CALD1: variants seen among roughly 807,000 people sequenced by gnomAD.
The protein encoded by CALD1 is caldesmon 1.
In CALD1, 33 loss-of-function variants were observed where a neutral mutation model predicts 99.9. The observed-to-expected ratio is 0.33, with a 90% confidence interval of 0.25 to 0.44. CALD1 has a LOEUF of 0.44. Ranked by LOEUF, CALD1 falls within the 20% of genes least tolerant of loss-of-function variation. The pLI is 1.00. For missense variants in CALD1, 861 were observed against 962.1 expected, an observed-to-expected ratio of 0.89 and a Z score of 1.39; for synonymous variants, 310 against 325.0, an observed-to-expected ratio of 0.95 and a Z score of 0.50.
At position 134,783,333 on chromosome 7, in the gene CALD1, T is replaced by C. The variant is rs1418882979; in HGVS notation, c.-130+3584T>C. ...CTCTTCCCCAGCTCCCCCATCCCTG[T>C]ACCGGATAGGGAGCTTTCTTGATCC... On this transcript the variant is annotated intron_variant, in intron 1 of 14. Coordinates refer to ENST00000361675, the MANE Select transcript of CALD1 (RefSeq NM_033138.4). This position sits in a 1 kb window ranked among gnomAD's most constrained non-coding sequence, Gnocchi z 4.3. Among the ~76,000 whole-genome samples the C allele has an allele frequency of 6.6e-6, 1 of 152,186 alleles. No individual in the cohort carries two copies. Among genetic ancestry groups the C allele is most frequent in the Non-Finnish European group, 1.5e-5 (1 of 68,032 alleles).
chr7:134,869,918 G>A (rs182976932), intron 3 of CALD1, among the ~76,000 whole-genome samples: 126 of 152,290 alleles, frequency 8.3e-4, no homozygotes, highest in African/African-American at 2.8e-3. Flanking sequence ...GGGAGAACCA[G>A]GGAGAGTATG....
intron 14 of CALD1, 130 bp downstream of exon 14, chr7:134,965,516 A>C (rs1808608265): frequency 1.5e-6 from 1 of 657,204 alleles, no homozygotes; most frequent in African/African-American, 1.8e-5. Flanking sequence ...TCAGTGTCTA[A>C]AAGACCAGTA....
the CALD1 span, among the ~76,000 whole-genome samples, chr7:134,715,396 A>C: frequency 6.6e-6 from 1 of 152,190 alleles, no homozygotes; most frequent in Non-Finnish European, 1.5e-5. Context: ...GGGCCTGTGC[A>C]TGTACCCAAA....
At chr7:134,954,033 G>A (rs1247096366) in intron 9 of CALD1, among the ~76,000 whole-genome samples, 1 of 152,144 alleles carries the variant, frequency 6.6e-6, no homozygotes, top group Admixed American at 6.5e-5. Context: ...GATAGCTATT[G>A]ATACCCTTGG....
At chr7:134,778,203 T>C (rs1796960423), upstream of CALD1, among the ~76,000 whole-genome samples, 1 of 151,632 alleles carries the variant, frequency 6.6e-6, no homozygotes. Flanking sequence ...GTGTAGAGAG[T>C]TGATATGGAT....
At chr7:134,839,570 T>C (rs769715940) in intron 1 of CALD1, among the ~76,000 whole-genome samples, 3 of 152,240 alleles carry the variant, frequency 2.0e-5, no homozygotes, top group Non-Finnish European at 4.4e-5. Flanking sequence ...TTTTGATTTA[T>C]GTCTTTTAAA....
At chr7:134,771,738 C>G (rs1796879791) in intron 1 of CALD1, among the ~76,000 whole-genome samples, 1 of 152,178 alleles carries the variant, frequency 6.6e-6, no homozygotes, top group East Asian at 1.9e-4. Context: ...GGCTCTCACT[C>G]CTCCCCAAGT....
At chr7:134,748,396 A>C (rs1261545193) in intron 1 of CALD1, among the ~76,000 whole-genome samples, 1 of 152,202 alleles carries the variant, frequency 6.6e-6, no homozygotes, top group Non-Finnish European at 1.5e-5. Context: ...ATGGGATGAA[A>C]TGAATATATT....
chr7:134,965,527 C>A, intron 14 of CALD1, 141 bp downstream of exon 14: 1 of 595,446 alleles, frequency 1.7e-6, no homozygotes, highest in East Asian at 2.8e-5. Flanking sequence ...AAGACCAGTA[C>A]ATAACACAGT....
At chr7:134,878,463 A>G (rs997952455) in intron 3 of CALD1, among the ~76,000 whole-genome samples, 19 of 152,162 alleles carry the variant, frequency 1.2e-4, no homozygotes, top group African/African-American at 4.6e-4. Flanking sequence ...CAGCTACTGG[A>G]GAGGCTGAGG....
intron 2 of CALD1, among the ~76,000 whole-genome samples, chr7:134,858,066 A>T (rs1800394054): frequency 8.0e-6 from 1 of 125,378 alleles, no homozygotes; most frequent in Admixed American, 8.4e-5. Flanking sequence ...CAGGCACATG[A>T]GTTGCTGACT....
chr7:134,836,390 C>A (rs1379781104), intron 1 of CALD1, among the ~76,000 whole-genome samples: 2 of 152,226 alleles, frequency 1.3e-5, no homozygotes, highest in Admixed American at 6.5e-5. Flanking sequence ...TTATCACTTG[C>A]TGAAACTTAG....
At chr7:134,775,263 G>A (rs1796908271), upstream of CALD1, among the ~76,000 whole-genome samples, 1 of 151,834 alleles carries the variant, frequency 6.6e-6, no homozygotes, top group Non-Finnish European at 1.5e-5. Flanking sequence ...TTATTCTATT[G>A]ATCTATTTGT....
At chr7:134,855,813 G>A (rs1198361746) in intron 2 of CALD1, among the ~76,000 whole-genome samples, 1 of 152,134 alleles carries the variant, frequency 6.6e-6, no homozygotes, top group African/African-American at 2.4e-5. Context: ...GAGATTTTAG[G>A]TCAGGGAGAA....
chr7:134,868,050 T>C (rs1253108127), intron 3 of CALD1: 1 of 287,788 alleles, frequency 3.5e-6, no homozygotes, highest in Non-Finnish European at 6.6e-6. Context: ...GATAATTGCA[T>C]TTAATCAATA....
At chr7:134,952,430 A>G (rs1210273740) in intron 9 of CALD1, among the ~76,000 whole-genome samples, 2 of 152,168 alleles carry the variant, frequency 1.3e-5, no homozygotes, top group African/African-American at 4.8e-5. Context: ...CTTGTTCCAC[A>G]TGAAAATCAG....
At chr7:134,728,175 C>CT in the CALD1 span, among the ~76,000 whole-genome samples, 152,278 of 152,280 alleles carry the variant, frequency 1, 76,138 homozygotes, top group Non-Finnish European at 1. Context: ...CCTATTTGGC[C>CT]TGACCAACCT....
intron 1 of CALD1, among the ~76,000 whole-genome samples, chr7:134,832,137 T>G (rs1389706376): frequency 6.6e-6 from 1 of 152,214 alleles, no homozygotes; most frequent in Non-Finnish European, 1.5e-5. Context: ...TCTGAGGCTT[T>G]CTTCCTTCTT....
chr7:134,740,945 A>C (rs1374624766), upstream of CALD1, among the ~76,000 whole-genome samples: 1 of 152,238 alleles, frequency 6.6e-6, no homozygotes, highest in Non-Finnish European at 1.5e-5. Context: ...CAATCTTCAC[A>C]GCAATTCTAT....
Sources: gnomAD v4.1 joint callset for allele counts (sites outside exome capture counted in the v4.1 genomes callset) on GRCh38, gnomAD v4.1.1 for gene constraint, Gnocchi (gnomAD v3.1) non-coding constraint, MANE v1.5 for transcripts, NCBI Gene and HGNC (gene_info 2026-07-23, HGNC 2026-07-21) for gene names.